Variants in SNX8 observed in about 807,000 individuals in gnomAD.
The protein encoded by SNX8 is sorting nexin-8.
SNX8 carries 25 observed loss-of-function variants against 51.6 expected under a neutral mutation model. The ratio of observed to expected loss-of-function variants is 0.48; its 90% CI spans 0.35 to 0.68. The LOEUF (loss-of-function observed/expected upper bound fraction) is 0.68. Among genes scored for constraint, SNX8 ranks in the 30% least tolerant of loss-of-function variants. SNX8 has a pLI of 0.00. For synonymous variants in SNX8, 324 were observed against 277.0 expected (o/e 1.17, Z -1.68); for missense variants, 695 against 624.0 (o/e 1.11, Z -1.21).
rs138377139 is a variant in SNX8, at chr7:2,306,493, T to C, written c.94+7835A>G. Among the ~76,000 whole-genome samples, 866 of 152,340 alleles carry C rather than the reference T, an allele frequency of 5.7e-3. 12 individuals carry two copies. Among genetic ancestry groups the C allele is most frequent in the African/African-American group, 0.02 (831 of 41,576 alleles). On this transcript the variant is annotated intron_variant, in intron 1 of 10. Coordinates refer to ENST00000222990, the MANE Select transcript of SNX8 (RefSeq NM_013321.4). ...GCAAGAATATCTCTAACTGAAATTTTTTTTAACTGAAATTTTATCATATTA... is the reference window on the plus strand; with the variant it reads ...GCAAGAATATCTCTAACTGAAATTTCTTTTAACTGAAATTTTATCATATTA...
chr7:2,251,831 T>C lies in SNX8; in HGVS notation c.*3225A>G, dbSNP rs549158216. On this transcript the variant is annotated 3_prime_UTR_variant, in exon 11 of 11. Transcript: ENST00000222990. ...CAAAATGTAGGTCATGTGTAAACAA[T>C]TCCAGTTGTTGGGTATATTGGGTAT... is the stretch of plus-strand genomic sequence containing the variant. The C allele has an allele frequency of 4.6e-5, 7 of 152,442 alleles. No homozygotes were observed. Among genetic ancestry groups the C allele is most frequent in the Non-Finnish European group, 8.8e-5 (6 of 68,222 alleles). The allele number at this position is 152,442 out of a possible 1,614,324, so 9.4% of individuals were successfully genotyped here.
intron 1 of SNX8, among the ~76,000 whole-genome samples, chr7:2,352,647 A>G (rs1413993948): frequency 6.6e-6 from 1 of 151,860 alleles, no homozygotes; most frequent in Non-Finnish European, 1.5e-5. Context: ...CCTGGCTAAT[A>G]CGGTGAAACC....
chr7:2,322,316 T>G (rs1335679006), intron 1 of SNX8, among the ~76,000 whole-genome samples: 1 of 152,128 alleles, frequency 6.6e-6, no homozygotes, highest in Non-Finnish European at 1.5e-5. Context: ...GAGAAGTGCT[T>G]CAGTCCAGGA....
intron 1 of SNX8, among the ~76,000 whole-genome samples, chr7:2,297,772 G>C (rs954382110): frequency 1.3e-5 from 2 of 151,680 alleles, no homozygotes; most frequent in African/African-American, 4.9e-5. Context: ...ATTATCCTAA[G>C]TGAAGTAACT....
At position 2,306,205 on chromosome 7, in the gene SNX8, G is replaced by A. The variant is rs140856437; in HGVS notation, c.94+8123C>T. Among the ~76,000 whole-genome samples the A allele has an allele frequency of 3.6e-3, 554 of 152,122 alleles. 2 individuals are homozygous for A. The highest frequency in any genetic ancestry group is 0.013 in the African/African-American group (521 of 41,484). Reference sequence around the variant, plus strand: ...CGCCCAGGCTGGAGTGCAGTGGCGCGATCTCAGCTCACTGCAACCTCGAGC... The same window carrying A: ...CGCCCAGGCTGGAGTGCAGTGGCGCAATCTCAGCTCACTGCAACCTCGAGC... On this transcript the variant is annotated intron_variant, in intron 1 of 10. Transcript: ENST00000222990.
At chr7:2,314,583 C>T (rs1796724746), upstream of SNX8, 2 of 641,612 alleles carry the variant, frequency 3.1e-6, no homozygotes, top group Non-Finnish European at 4.0e-6. Flanking sequence ...CTCGCCCGGC[C>T]TCGCCACGCC....
intron 1 of SNX8, among the ~76,000 whole-genome samples, chr7:2,328,045 G>T (rs968110657): frequency 1.3e-5 from 2 of 150,784 alleles, no homozygotes; most frequent in Non-Finnish European, 3.0e-5. Context: ...TTTTTATTTT[G>T]ATTTTATTTG....
At chr7:2,276,912 T>C (rs947421227) in intron 2 of SNX8, among the ~76,000 whole-genome samples, 8 of 152,212 alleles carry the variant, frequency 5.3e-5, no homozygotes, top group African/African-American at 1.9e-4. Context: ...GCCACTGCAC[T>C]CCAGCCTGGT....
intron 1 of SNX8, among the ~76,000 whole-genome samples, chr7:2,327,557 G>A (rs143242936): frequency 0.015 from 2,353 of 152,052 alleles, 55 homozygotes; most frequent in African/African-American, 0.054. Context: ...ACATGTGCCC[G>A]CCACCATGCC....
chr7:2,265,546 G>A (rs1795443772), intron 5 of SNX8, among the ~76,000 whole-genome samples: 1 of 151,888 alleles, frequency 6.6e-6, no homozygotes, highest in African/African-American at 2.4e-5. Flanking sequence ...ACAGAGGGCT[G>A]AGGCAGGAGG....
intron 1 of SNX8, among the ~76,000 whole-genome samples, chr7:2,341,121 G>C (rs1778915915): frequency 6.7e-6 from 1 of 149,250 alleles, no homozygotes. Flanking sequence ...AACAGGCTGT[G>C]ATCACGCCAT....
At chr7:2,343,047 G>A (rs1280382154) in intron 1 of SNX8, among the ~76,000 whole-genome samples, 11 of 151,750 alleles carry the variant, frequency 7.2e-5, no homozygotes, top group South Asian at 4.2e-4. Flanking sequence ...CACCTGCCTC[G>A]ACCTCCCAGA....
intron 1 of SNX8, among the ~76,000 whole-genome samples, chr7:2,292,706 C>T (rs1242037634): frequency 6.6e-6 from 1 of 151,934 alleles, no homozygotes; most frequent in African/African-American, 2.4e-5. Flanking sequence ...CCACTGTGCC[C>T]GGCCCAGGCA....
At chr7:2,350,114 C>T (rs1225068026) in intron 1 of SNX8, among the ~76,000 whole-genome samples, 1 of 152,216 alleles carries the variant, frequency 6.6e-6, no homozygotes, top group Non-Finnish European at 1.5e-5. Context: ...AATCCCCACG[C>T]TCAGAACCTG....
At position 2,253,278 on chromosome 7, in the gene SNX8, GAC is replaced by G. The variant is rs1341599287; in HGVS notation, c.*1776_*1777del. 1 of 154,490 alleles carries G rather than the reference GAC, an allele frequency of 6.5e-6. No homozygotes were observed. The highest frequency in any genetic ancestry group is 2.4e-5 in the African/African-American group (1 of 41,492). 9.6% of individuals were successfully genotyped at this position (154,490 alleles called of 1,614,324 possible). ...GAGCGCGTGCCTTGCCTACTCTGGA[GAC>G]ACAGAGGCCCCAGCACCTGATGCCC... On this transcript the variant is annotated 3_prime_UTR_variant, in exon 11 of 11. Transcript: ENST00000222990.
intron 1 of SNX8, among the ~76,000 whole-genome samples, chr7:2,292,285 C>G (rs1796167706): frequency 6.6e-6 from 1 of 152,018 alleles, no homozygotes; most frequent in South Asian, 2.1e-4. Context: ...AGCCGGACCC[C>G]TCCCTCACAC....
intron 1 of SNX8, among the ~76,000 whole-genome samples, chr7:2,307,273 AT>A (rs11322022): frequency 0.53 from 78,580 of 148,598 alleles, 20,596 homozygotes; most frequent in South Asian, 0.6. Context: ...TGGTTATGTG[AT>A]TTTTTTTTTT....
At chr7:2,312,921 G>A (rs181286569) in intron 1 of SNX8, among the ~76,000 whole-genome samples, 14 of 152,054 alleles carry the variant, frequency 9.2e-5, no homozygotes, top group South Asian at 2.1e-4. Flanking sequence ...TTTTTGAGGC[G>A]GAGTCTCGCT....
chr7:2,327,648 C>A (rs1322547364), intron 1 of SNX8, among the ~76,000 whole-genome samples: 1 of 151,218 alleles, frequency 6.6e-6, no homozygotes, highest in Non-Finnish European at 1.5e-5. Context: ...ACCTCATGAT[C>A]CGCCCGCCTC....
Sources: allele counts gnomAD v4.1 joint callset (sites outside exome capture counted in the v4.1 genomes callset), GRCh38; gene constraint gnomAD v4.1.1; transcripts MANE v1.5; gene names NCBI Gene and HGNC (gene_info 2026-07-23, HGNC 2026-07-21).